The following RORA variants were observed in gnomAD, a reference collection of about 807,000 sequenced individuals.
RORA encodes RAR related orphan receptor A, also known as nuclear receptor ROR-alpha.
Under a neutral mutation model 69.5 loss-of-function variants are expected in RORA, and 7 were observed. That is an observed-to-expected ratio of 0.10 (90% CI 0.06 to 0.19). The LOEUF is 0.19. Ranked by LOEUF, RORA falls within the 10% of genes least tolerant of loss-of-function variation. The pLI is 1.00. For synonymous variants in RORA, 261 were observed against 240.8 expected, an observed-to-expected ratio of 1.08 and a Z score of -0.78; for missense variants, 457 against 663.0, an observed-to-expected ratio of 0.69 and a Z score of 3.41.
chr15:60,722,389 G>A (rs922734416), intron 1 of RORA, among the ~76,000 whole-genome samples: 1 of 152,194 alleles, frequency 6.6e-6, no homozygotes, highest in African/African-American at 2.4e-5. Context: ...ATCACTCACT[G>A]CACTATTTCT....
rs1233076679 is a variant in RORA at position 60,549,810 on chromosome 15, A to C, written c.197-17959T>G. 2.6e-5 allele frequency among the ~76,000 whole-genome samples: 4 copies of C among 152,362 alleles called. No individual in the cohort carries two copies. The East Asian group carries it at 5.8e-4, about 22-fold the overall frequency. ...TTCATATTTTACTATGTGTATTGTG[A>C]AACAGCCTACAATAGGACACCAGTG... On this transcript the variant is annotated intron_variant, in intron 2 of 10. Transcript: ENST00000335670.
At chr15:61,186,716 GTCTACCAAAATCTGCA>G (rs2079746666) in intron 1 of RORA, among the ~76,000 whole-genome samples, 1 of 150,820 alleles carries the variant, frequency 6.6e-6, no homozygotes, top group South Asian at 2.1e-4. Context: ...CCCTGGGAGG[GTCTACCAAAATCTGCA>G]TTTTCCAAGA....
chr15:60,616,354 C>T (rs982886665), intron 2 of RORA, among the ~76,000 whole-genome samples: 1 of 152,208 alleles, frequency 6.6e-6, no homozygotes, highest in Admixed American at 6.5e-5. Context: ...TCTCATCTCT[C>T]ACCTTGTTGT....
In RORA at chr15:60,495,521, G is replaced by GAGTT. The variant is rs1200500921; in HGVS notation, c.*1930_*1933dup. ...AAGAAACAAGTCAGAAAAGTCAGTG[G>GAGTT]AGTTAGAAACAGAGTGAAGTGCTCT... On this transcript the variant is annotated 3_prime_UTR_variant, in exon 11 of 11. Coordinates refer to ENST00000335670, the MANE Select transcript of RORA (RefSeq NM_134261.3). The GAGTT allele has an allele frequency of 1.3e-5, 2 of 152,156 alleles. No individual in the cohort carries two copies. The highest frequency in any genetic ancestry group is 2.1e-4 in the South Asian group (1 of 4,830). 9.4% of individuals were successfully genotyped at this position (152,156 alleles called of 1,614,324 possible).
At chr15:60,662,104 CTA>C (rs1223684154) in intron 2 of RORA, among the ~76,000 whole-genome samples, 1 of 152,188 alleles carries the variant, frequency 6.6e-6, no homozygotes, top group Non-Finnish European at 1.5e-5. Context: ...ATGAATGAAA[CTA>C]AAATTCATTT....
intron 1 of RORA, among the ~76,000 whole-genome samples, chr15:61,123,337 C>T (rs1566999827): frequency 6.6e-6 from 1 of 152,126 alleles, no homozygotes; most frequent in Non-Finnish European, 1.5e-5. Context: ...TTCATTCACT[C>T]ACAGACCAAC....
intron 1 of RORA, among the ~76,000 whole-genome samples, chr15:61,022,786 G>C (rs1895600499): frequency 6.6e-6 from 1 of 152,140 alleles, no homozygotes; most frequent in Non-Finnish European, 1.5e-5. Context: ...TCTGGAGGTA[G>C]AAGAAAATGG....
intron 1 of RORA, among the ~76,000 whole-genome samples, chr15:60,895,500 G>A (rs1049529679): frequency 7.9e-5 from 12 of 152,132 alleles, no homozygotes; most frequent in Admixed American, 1.3e-4. Flanking sequence ...CTCAACAGTC[G>A]TAAATGGGTT....
chr15:61,022,667 A>G (rs1187990293), intron 1 of RORA, among the ~76,000 whole-genome samples: 1 of 152,184 alleles, frequency 6.6e-6, no homozygotes, highest in Non-Finnish European at 1.5e-5. Context: ...GTGGGTAAAA[A>G]TGTGACCCCC....
chr15:60,783,693 G>T (rs2072295025), intron 1 of RORA, among the ~76,000 whole-genome samples: 4 of 152,152 alleles, frequency 2.6e-5, no homozygotes, highest in Admixed American at 2.6e-4. Flanking sequence ...TCCCACATGG[G>T]ATGACTTTGA....
intron 2 of RORA, among the ~76,000 whole-genome samples, chr15:60,559,452 G>A (rs1355531492): frequency 6.6e-6 from 1 of 152,206 alleles, no homozygotes; most frequent in African/African-American, 2.4e-5. Flanking sequence ...TAAATAGGAT[G>A]TACTGGGTCT....
intron 2 of RORA, among the ~76,000 whole-genome samples, chr15:60,622,636 A>T (rs1241904379): frequency 6.6e-6 from 1 of 152,214 alleles, no homozygotes; most frequent in Non-Finnish European, 1.5e-5. Flanking sequence ...TCAAACAAAC[A>T]GAAAGAAATA....
intron 6 of RORA, 59 bp downstream of exon 6, chr15:60,505,449 T>C (rs560385908): frequency 1.9e-6 from 3 of 1,581,782 alleles, no homozygotes; most frequent in African/African-American, 1.3e-5. Context: ...AACTTTCCTA[T>C]ACCAACACCC....
intron 2 of RORA, among the ~76,000 whole-genome samples, chr15:60,620,417 T>G (rs1384678644): frequency 6.6e-6 from 1 of 152,178 alleles, no homozygotes; most frequent in Non-Finnish European, 1.5e-5. Flanking sequence ...ATCAAATGAG[T>G]TCTTATGTGT....
At chr15:60,498,229 T>A (rs2065222664) in intron 10 of RORA, among the ~76,000 whole-genome samples, 1 of 152,142 alleles carries the variant, frequency 6.6e-6, no homozygotes, top group African/African-American at 2.4e-5. Flanking sequence ...GCTCTTGACT[T>A]CTTCTACTCC....
intron 1 of RORA, among the ~76,000 whole-genome samples, chr15:60,763,592 C>T (rs1041610927): frequency 6.6e-6 from 1 of 152,136 alleles, no homozygotes; most frequent in South Asian, 2.1e-4. Flanking sequence ...ACCAATCATA[C>T]GGATCCCCAT....
chr15:60,963,503 T>C (rs1375490352), intron 1 of RORA, among the ~76,000 whole-genome samples: 2 of 152,156 alleles, frequency 1.3e-5, no homozygotes, highest in African/African-American at 4.8e-5. Flanking sequence ...ATCTGGGTGG[T>C]GGTGGAAAGG....
At chr15:60,922,683 A>C (rs950230286) in intron 1 of RORA, among the ~76,000 whole-genome samples, 3 of 152,224 alleles carry the variant, frequency 2.0e-5, no homozygotes, top group African/African-American at 7.2e-5. Context: ...TAGATAGGAA[A>C]GCTGTTTATG....
In RORA at chr15:60,621,879, C is replaced by T. The variant is rs1355692000; in HGVS notation, c.196+56778G>A. ...CCTGGCCAATACGGTGAAAACTCAT[C>T]TCTACTAAAAATACAAAAATTAGCC... On this transcript the variant is annotated intron_variant, in intron 2 of 10. Transcript: ENST00000335670. Among the ~76,000 whole-genome samples the T allele has an allele frequency of 1.3e-5, 2 of 151,970 alleles. 1 individual carries two copies. The highest frequency in any genetic ancestry group is 1.3e-4 in the Admixed American group (2 of 15,250).
Sources: allele counts gnomAD v4.1 joint callset (sites outside exome capture counted in the v4.1 genomes callset), GRCh38; gene constraint gnomAD v4.1.1; transcripts MANE v1.5; gene names NCBI Gene and HGNC (gene_info 2026-07-23, HGNC 2026-07-21).